RSF1: variants seen among roughly 807,000 people sequenced by gnomAD.
RSF1 encodes remodeling and spacing factor 1, also known as HBV pX-associated protein 8.
In RSF1, 13 loss-of-function variants were observed where a neutral mutation model predicts 145.2. The ratio of observed to expected loss-of-function variants is 0.09; its 90% CI spans 0.06 to 0.14. The LOEUF (loss-of-function observed/expected upper bound fraction) is 0.14, where lower values mean the gene tolerates loss of function less well. RSF1 is among the 10% of genes least tolerant of loss of function. The pLI is 1.00. For missense variants in RSF1, 1,517 were observed against 1,718.2 expected, an observed-to-expected ratio of 0.88 and a Z score of 2.07; for synonymous variants, 577 against 592.6, an observed-to-expected ratio of 0.97 and a Z score of 0.38.
the RSF1 span, among the ~76,000 whole-genome samples, chr11:77,849,346 T>A: frequency 6.6e-6 from 1 of 152,156 alleles, no homozygotes; most frequent in African/African-American, 2.4e-5. Context: ...CTCAGCCTCC[T>A]GAGTAGCTGG....
the RSF1 span, among the ~76,000 whole-genome samples, chr11:77,861,729 C>G: frequency 6.6e-6 from 1 of 152,182 alleles, no homozygotes; most frequent in African/African-American, 2.4e-5. Context: ...ATTTCCCTAG[C>G]CTTTCCGTGT....
chr11:77,794,307 A>G (rs1948550763), intron 1 of RSF1, among the ~76,000 whole-genome samples: 1 of 152,216 alleles, frequency 6.6e-6, no homozygotes, highest in Non-Finnish European at 1.5e-5. Flanking sequence ...AATTTTAAGA[A>G]ATCGAAATCA....
rs541247339 is a variant in RSF1 at position 77,771,646 on chromosome 11, C to T, written c.188-6957G>A. 3.9e-5 allele frequency among the ~76,000 whole-genome samples: 6 copies of T among 152,264 alleles called. No homozygotes were observed. In the South Asian group the frequency reaches 1.2e-3, roughly 32 times the overall value. On this transcript the variant is annotated intron_variant, in intron 1 of 15. Coordinates refer to ENST00000308488, the MANE Select transcript of RSF1 (RefSeq NM_016578.4). ...GATCTGTTTGAAATAATCTAGGCGG[C>T]AGGAAGCAGAGGTAGATGAAGTTAC...
chr11:77,716,609 T>C (rs1960815143), intron 5 of RSF1, among the ~76,000 whole-genome samples: 1 of 152,164 alleles, frequency 6.6e-6, no homozygotes, highest in East Asian at 1.9e-4. Flanking sequence ...TATGAGGGAC[T>C]GAAGGTGTGG....
chr11:77,746,137 T>A (rs1947997301), intron 3 of RSF1, among the ~76,000 whole-genome samples: 2 of 152,028 alleles, frequency 1.3e-5, no homozygotes, highest in Non-Finnish European at 2.9e-5. Context: ...AAGTTATGAG[T>A]ATAATTTCTA....
chr11:77,785,286 T>C (rs1425163546), intron 1 of RSF1, among the ~76,000 whole-genome samples: 1 of 152,132 alleles, frequency 6.6e-6, no homozygotes, highest in Non-Finnish European at 1.5e-5. Flanking sequence ...CAGAGAGAAT[T>C]CTCAATTTTT....
rs1237547627 is a variant in RSF1 at position 77,740,919 on chromosome 11, C to T, written c.390G>A (p.Gln130=). Residue 130 remains glutamine, a synonymous_variant, in exon 4 of 16, where the codon CAG becomes CAA. Coordinates refer to ENST00000308488, the MANE Select transcript of RSF1 (RefSeq NM_016578.4). ...LALLKYLCEC[Q]FDDNLKFKNI... ...TCTTGAATTTGAGATTGTCATCAAA[C>T]TGACACTCACAGAGGTACTGAAAAA... 6.2e-7 allele frequency: 1 copy of T among 1,613,320 alleles called. No individual in the cohort carries two copies. Among genetic ancestry groups the T allele is most frequent in the Admixed American group, 1.7e-5 (1 of 60,014 alleles).
intron 15 of RSF1, among the ~76,000 whole-genome samples, chr11:77,671,170 TATA>T (rs1215594209): frequency 5.2e-5 from 5 of 95,828 alleles, no homozygotes; most frequent in Admixed American, 1.3e-4. Context: ...TATATATATA[TATA>T]TATATTTATA....
chr11:77,869,631 A>G, the RSF1 span: 2 of 1,239,378 alleles, frequency 1.6e-6, no homozygotes, highest in Admixed American at 3.4e-5. Flanking sequence ...ACCTCAGTAG[A>G]CATTTCTTGA....
intron 4 of RSF1, among the ~76,000 whole-genome samples, chr11:77,737,727 G>C (rs565712687): frequency 1.2e-5 from 1 of 80,250 alleles, no homozygotes; most frequent in East Asian, 2.9e-4. Context: ...ATGAGAAGAG[G>C]TGAAAGCAGA....
intron 4 of RSF1, among the ~76,000 whole-genome samples, chr11:77,732,209 G>C (rs964660116): frequency 2.0e-5 from 3 of 152,244 alleles, no homozygotes; most frequent in African/African-American, 7.2e-5. Flanking sequence ...TGCCCTGCTG[G>C]ATTTCGGACT....
At chr11:77,730,320 A>G (rs932904069) in intron 4 of RSF1, among the ~76,000 whole-genome samples, 3 of 152,170 alleles carry the variant, frequency 2.0e-5, no homozygotes, top group Non-Finnish European at 4.4e-5. Flanking sequence ...TGTATATACT[A>G]TTTCAAATTC....
At chr11:77,806,654 C>G (rs369222652) in intron 1 of RSF1, among the ~76,000 whole-genome samples, 14 of 151,746 alleles carry the variant, frequency 9.2e-5, no homozygotes, top group South Asian at 4.2e-4. Flanking sequence ...GCACTGCAGT[C>G]TGGGCAATAG....
the RSF1 span, among the ~76,000 whole-genome samples, chr11:77,827,854 T>C: frequency 6.6e-6 from 1 of 152,200 alleles, no homozygotes; most frequent in African/African-American, 2.4e-5. Flanking sequence ...ACTGATCTTG[T>C]ATGTAGGAAA....
Position 77,808,723 on chromosome 11 carries a change from C to T in RSF1, c.187+11805G>A, listed in dbSNP as rs1317604981. Among the ~76,000 whole-genome samples, 10 of 126,870 alleles carry T rather than the reference C, an allele frequency of 7.9e-5. 1 individual carries two copies. Among genetic ancestry groups the T allele is most frequent in the Admixed American group, 4.9e-4 (6 of 12,126 alleles). The allele number at this position is 126,870 out of a possible 152,430, so 83.2% of individuals were successfully genotyped here. A position where few individuals can be genotyped will look rare whatever the true frequency, so the allele number is the denominator to read the frequency against. On this transcript the variant is annotated intron_variant, in intron 1 of 15. Transcript: ENST00000308488. ...TAATTTTTTGTATTTTTAGTAGAGA[C>T]GGGGTTTCACCGTGTTAACCGGGAT... is the stretch of plus-strand genomic sequence containing the variant.
chr11:77,841,267 C>T, the RSF1 span: 3 of 702,062 alleles, frequency 4.3e-6, no homozygotes, highest in Admixed American at 4.0e-5. Context: ...TAAATTTAAA[C>T]ATGAGTTTGG....
At chr11:77,700,527 T>C (rs570844774) in intron 6 of RSF1, among the ~76,000 whole-genome samples, 194 bp downstream of exon 6, 15 of 152,222 alleles carry the variant, frequency 9.9e-5, no homozygotes, top group Non-Finnish European at 1.8e-4. Context: ...ATACTACTTT[T>C]AATTTCTTAA....
chr11:77,718,496 T>C (rs1462393460), intron 5 of RSF1: 1 of 152,336 alleles, frequency 6.6e-6, no homozygotes, highest in African/African-American at 2.4e-5. Context: ...TAGTATTACA[T>C]GTTACAGACT....
chr11:77,870,227 C>G, the RSF1 span: 1 of 150,492 alleles, frequency 6.6e-6, no homozygotes, highest in African/African-American at 2.4e-5. Context: ...ACTATTGTTG[C>G]CCAGGCTGGT....
Sources: allele counts gnomAD v4.1 joint callset (sites outside exome capture counted in the v4.1 genomes callset), GRCh38; gene constraint gnomAD v4.1.1; transcripts MANE v1.5; gene names NCBI Gene and HGNC (gene_info 2026-07-23, HGNC 2026-07-21).